The following AGAP1 variants were observed in gnomAD, a reference collection of about 807,000 sequenced individuals.
AGAP1 encodes the protein ArfGAP with GTPase domain, ankyrin repeat and PH domain 1.
A neutral mutation model predicts 105.3 loss-of-function variants in AGAP1; 29 were observed. That is an observed-to-expected ratio of 0.28 (90% CI 0.21 to 0.38). AGAP1 has a LOEUF of 0.38. AGAP1 is among the 10% of genes least tolerant of loss of function. The pLI, the probability that AGAP1 is intolerant of heterozygous loss-of-function variation, is 1.00. For synonymous variants in AGAP1, 509 were observed against 485.9 expected (o/e 1.05, Z -0.63); for missense variants, 998 against 1,165.1 (o/e 0.86, Z 2.09).
At chr2:235,731,091 C>T (rs1308667180) in intron 3 of AGAP1, among the ~76,000 whole-genome samples, 1 of 152,176 alleles carries the variant, frequency 6.6e-6, no homozygotes, top group East Asian at 1.9e-4. Flanking sequence ...TTCCTGGCAT[C>T]AAGGCTGTGT....
intron 12 of AGAP1, among the ~76,000 whole-genome samples, chr2:235,941,269 G>A (rs543001257): frequency 3.2e-4 from 48 of 152,284 alleles, no homozygotes; most frequent in African/African-American, 1.2e-3. Context: ...TGAATCATAA[G>A]TAAAGTCAGT....
intron 13 of AGAP1, among the ~76,000 whole-genome samples, chr2:236,023,718 G>T (rs1291777398): frequency 1.3e-5 from 2 of 152,158 alleles, no homozygotes; most frequent in Admixed American, 6.5e-5. Context: ...CGTCCCCCAG[G>T]CTGAGCATGT....
Position 235,609,123 on chromosome 2 carries a change from C to G in AGAP1, c.164-100056C>G, listed in dbSNP as rs10167724. On this transcript the variant is annotated intron_variant, in intron 1 of 17. Transcript: ENST00000304032. This position sits in a 1 kb window ranked among gnomAD's most constrained non-coding sequence, Gnocchi z 5.1. ...CACAGGGGGCTGATGAATTTGTTTCCTTCTTGCCTTATTTTTGGCAGTTTT... is the reference window on the plus strand; with the variant it reads ...CACAGGGGGCTGATGAATTTGTTTCGTTCTTGCCTTATTTTTGGCAGTTTT... Among the ~76,000 whole-genome samples, 92,389 of 151,996 alleles carry G rather than the reference C, an allele frequency of 0.61. 29,328 individuals carry two copies. Among genetic ancestry groups the G allele is most frequent in the African/African-American group, 0.79 (32,754 of 41,498 alleles).
At chr2:235,773,305 A>C (rs1032683163) in intron 6 of AGAP1, among the ~76,000 whole-genome samples, 1 of 152,170 alleles carries the variant, frequency 6.6e-6, no homozygotes, top group African/African-American at 2.4e-5. Context: ...GGTGGAAGTG[A>C]GGTTACAAAG....
Position 236,129,244 on chromosome 2 carries a change from G to A in AGAP1, c.*5122G>A, listed in dbSNP as rs2060050621. The A allele has an allele frequency of 6.6e-6, 1 of 152,358 alleles. No individual in the cohort carries two copies. Among genetic ancestry groups the A allele is most frequent in the South Asian group, 2.1e-4 (1 of 4,834 alleles). 9.4% of individuals were successfully genotyped at this position (152,358 alleles called of 1,614,324 possible). ...CCCCCAGGCCAGGCCAGCACGCTCAGGTGATAGCGAGTGGGGCCAGGAGAC... is the reference window on the plus strand; with the variant it reads ...CCCCCAGGCCAGGCCAGCACGCTCAAGTGATAGCGAGTGGGGCCAGGAGAC... On this transcript the variant is annotated 3_prime_UTR_variant, in exon 18 of 18. Transcript: ENST00000304032. This position sits in a 1 kb window ranked among gnomAD's most constrained non-coding sequence, Gnocchi z 6.2.
At chr2:235,854,134 G>T (rs1044298175) in intron 9 of AGAP1, among the ~76,000 whole-genome samples, 6 of 152,094 alleles carry the variant, frequency 3.9e-5, no homozygotes, top group Non-Finnish European at 8.8e-5. Flanking sequence ...TGTTGAGACA[G>T]GCACTCCCCC....
At chr2:235,636,624 T>C (rs1438598841) in intron 1 of AGAP1, among the ~76,000 whole-genome samples, 1 of 152,140 alleles carries the variant, frequency 6.6e-6, no homozygotes, top group African/African-American at 2.4e-5. Flanking sequence ...TCCCATGACA[T>C]TGGGCTAGAC....
intron 1 of AGAP1, among the ~76,000 whole-genome samples, chr2:235,688,051 A>G (rs975427382): frequency 6.6e-6 from 1 of 151,792 alleles, no homozygotes; most frequent in Admixed American, 6.6e-5. Context: ...ACAGGCACGC[A>G]CCACCATACC....
intron 1 of AGAP1, among the ~76,000 whole-genome samples, chr2:235,641,126 A>G (rs542150766): frequency 1.1e-4 from 17 of 152,344 alleles, no homozygotes; most frequent in African/African-American, 4.1e-4. Flanking sequence ...CGCAAAGCAC[A>G]TGTCCTGCCC....
At position 236,097,703 on chromosome 2, in the gene AGAP1, A is replaced by G. The variant is rs116306038; in HGVS notation, c.2115-22489A>G. On this transcript the variant is annotated intron_variant, in intron 16 of 17. Transcript: ENST00000304032. ...TGGTCAGGACATCTTAGCCAATTTT[A>G]AGTGGGCTGTTCAGTGGTGCTCAGT... is the stretch of plus-strand genomic sequence containing the variant. 2.6e-3 allele frequency among the ~76,000 whole-genome samples: 391 copies of G among 152,136 alleles called. 2 individuals carry two copies. The highest frequency in any genetic ancestry group is 9.2e-3 in the African/African-American group (382 of 41,514).
rs554046496 is a variant in AGAP1 at position 235,736,581 on chromosome 2, CTA to C, written c.311-4381_311-4380del. 2.1e-3 allele frequency among the ~76,000 whole-genome samples: 321 copies of C among 152,204 alleles called. 1 individual carries two copies. The highest frequency in any genetic ancestry group is 0.014 in the Middle Eastern group (4 of 294). On this transcript the variant is annotated intron_variant, in intron 3 of 17. Transcript: ENST00000304032. This position sits in a 1 kb window ranked among gnomAD's most constrained non-coding sequence, Gnocchi z 5.5. Reference sequence around the variant, plus strand: ...TGGATGTAAAATTTGATGGTATCCTCTAAAATTCTGGTGGAAAAAAGATCTCC... The same window carrying C: ...TGGATGTAAAATTTGATGGTATCCTCAAATTCTGGTGGAAAAAAGATCTCC...
At chr2:235,852,984 G>C (rs2048540086) in intron 9 of AGAP1, 2 of 1,251,296 alleles carry the variant, frequency 1.6e-6, no homozygotes, top group Non-Finnish European at 2.0e-6. Context: ...AGGAGGGAGA[G>C]CTGGAGAAAT....
chr2:235,810,613 G>A (rs763467235), intron 9 of AGAP1, among the ~76,000 whole-genome samples: 5 of 152,114 alleles, frequency 3.3e-5, no homozygotes, highest in Admixed American at 1.3e-4. Flanking sequence ...TACCTCGTTC[G>A]CTGTAAGCAT....
intron 16 of AGAP1, among the ~76,000 whole-genome samples, chr2:236,106,555 G>A (rs1260583672): frequency 6.6e-6 from 1 of 152,230 alleles, no homozygotes; most frequent in African/African-American, 2.4e-5. Flanking sequence ...CGAGAAGGGT[G>A]GGCTCTGGGG....
At chr2:235,711,239 A>G (rs958968831) in intron 2 of AGAP1, among the ~76,000 whole-genome samples, 1 of 152,250 alleles carries the variant, frequency 6.6e-6, no homozygotes, top group African/African-American at 2.4e-5. Context: ...GTTCATTTAA[A>G]TTGAAATAGC....
chr2:235,667,843 C>T (rs905787720), intron 1 of AGAP1, among the ~76,000 whole-genome samples: 3 of 151,452 alleles, frequency 2.0e-5, no homozygotes, highest in African/African-American at 7.3e-5. Context: ...CCTGTAATCC[C>T]AGCTACTCAG....
chr2:236,036,433 C>A lies in AGAP1; in HGVS notation c.1646-128C>A. The A allele has an allele frequency of 8.0e-7, 1 of 1,251,986 alleles. No homozygotes were observed. Among genetic ancestry groups the A allele is most frequent in the Non-Finnish European group, 1.1e-6 (1 of 900,352 alleles). 77.6% of individuals were successfully genotyped at this position (1,251,986 alleles called of 1,614,324 possible). On this transcript the variant is annotated intron_variant, in intron 13 of 17. Transcript: ENST00000304032. This position sits in a 1 kb window ranked among gnomAD's most constrained non-coding sequence, Gnocchi z 5.7. ...TCAAATCTCCGCCGCCGTGGTTGTC[C>A]AGTGCCGTGCGCCTCACCGGTCCAT...
rs370523881 is a variant in AGAP1 at position 235,744,653 on chromosome 2, C to T, written c.397-45C>T. 2.5e-5 allele frequency: 41 copies of T among 1,610,968 alleles called. No individual in the cohort carries two copies. Among genetic ancestry groups the T allele is most frequent in the Non-Finnish European group, 2.7e-5 (32 of 1,178,102 alleles). ...GCAGACATCTCTGTTCTTAATCAAG[C>T]CTGCTCACTCAGCTCCTGCTCTCCT... On this transcript the variant is annotated intron_variant, in intron 4 of 17. Transcript: ENST00000304032. This position sits in a 1 kb window ranked among gnomAD's most constrained non-coding sequence, Gnocchi z 5.2.
intron 15 of AGAP1, among the ~76,000 whole-genome samples, chr2:236,047,598 C>CT (rs59007077): frequency 0.013 from 878 of 68,290 alleles, 45 homozygotes; most frequent in Middle Eastern, 0.044. Flanking sequence ...TCTCACATTT[C>CT]TTTTTTTTTT....
Sources: gnomAD v4.1 joint callset for allele counts (sites outside exome capture counted in the v4.1 genomes callset) on GRCh38, gnomAD v4.1.1 for gene constraint, Gnocchi (gnomAD v3.1) non-coding constraint, MANE v1.5 for transcripts, NCBI Gene and HGNC (gene_info 2026-07-23, HGNC 2026-07-21) for gene names.